The following NOS1AP variants were observed in gnomAD, a reference collection of about 807,000 sequenced individuals.
NOS1AP encodes the protein nitric oxide synthase 1 adaptor protein, also known as carboxyl-terminal PDZ ligand of neuronal nitric oxide synthase protein.
In NOS1AP, 21 loss-of-function variants were observed where a neutral mutation model predicts 56.2. The ratio of observed to expected loss-of-function variants is 0.37; its 90% CI spans 0.26 to 0.54. The LOEUF (loss-of-function observed/expected upper bound fraction) is 0.54, where lower values mean the gene tolerates loss of function less well. NOS1AP is among the 20% of genes least tolerant of loss of function. The pLI, the probability that NOS1AP is intolerant of heterozygous loss-of-function variation, is 0.84. For synonymous variants in NOS1AP, 270 were observed against 274.6 expected, an observed-to-expected ratio of 0.98 and a Z score of 0.17; for missense variants, 522 against 657.8, an observed-to-expected ratio of 0.79 and a Z score of 2.26.
At chr1:162,322,456 G>A (rs1656452297) in intron 4 of NOS1AP, among the ~76,000 whole-genome samples, 1 of 152,182 alleles carries the variant, frequency 6.6e-6, no homozygotes, top group African/African-American at 2.4e-5. Context: ...ATGGCACATG[G>A]GACTCCTCAC....
At chr1:162,077,854 A>C (rs1165749323) in intron 1 of NOS1AP, among the ~76,000 whole-genome samples, 1 of 152,134 alleles carries the variant, frequency 6.6e-6, no homozygotes, top group African/African-American at 2.4e-5. Flanking sequence ...GCCTTGTGAG[A>C]GAGTACTCCA....
intron 2 of NOS1AP, among the ~76,000 whole-genome samples, chr1:162,209,174 TG>T (rs1404146871): frequency 1.3e-5 from 2 of 152,228 alleles, no homozygotes; most frequent in African/African-American, 4.8e-5. Context: ...TTGCAATTTT[TG>T]CACAAGATGT....
At chr1:162,196,926 C>T (rs1651825166) in intron 2 of NOS1AP, among the ~76,000 whole-genome samples, 1 of 152,106 alleles carries the variant, frequency 6.6e-6, no homozygotes, top group Non-Finnish European at 1.5e-5. Context: ...CATGCCCATT[C>T]CTTCTGCTGG....
At chr1:162,199,835 A>G (rs1651935620) in intron 2 of NOS1AP, among the ~76,000 whole-genome samples, 1 of 152,146 alleles carries the variant, frequency 6.6e-6, no homozygotes, top group African/African-American at 2.4e-5. Context: ...TAATTGTTTG[A>G]TTTGCCGACT....
chr1:162,363,134 G>A (rs1490218711), intron 8 of NOS1AP: 1 of 152,488 alleles, frequency 6.6e-6, no homozygotes, highest in Non-Finnish European at 1.5e-5. Context: ...AATCCCACAA[G>A]ACTTTCCCCC....
chr1:162,081,291 C>A (rs905361914), intron 1 of NOS1AP, among the ~76,000 whole-genome samples: 6 of 152,076 alleles, frequency 3.9e-5, no homozygotes, highest in African/African-American at 1.4e-4. Context: ...GTCCGGGACC[C>A]AGGTCTGCTG....
chr1:162,250,336 C>T (rs1157258052), intron 2 of NOS1AP, among the ~76,000 whole-genome samples: 5 of 152,174 alleles, frequency 3.3e-5, no homozygotes, highest in Non-Finnish European at 7.4e-5. Flanking sequence ...TGAAGTACCT[C>T]TTCCCTCTAA....
At chr1:162,132,782 C>G (rs1301651738) in intron 1 of NOS1AP, among the ~76,000 whole-genome samples, 1 of 152,182 alleles carries the variant, frequency 6.6e-6, no homozygotes, top group South Asian at 2.1e-4. Flanking sequence ...ATGAGTGACC[C>G]CTCCCAGGTT....
chr1:162,112,451 A>C (rs1647747578), intron 1 of NOS1AP, among the ~76,000 whole-genome samples: 1 of 152,180 alleles, frequency 6.6e-6, no homozygotes. Context: ...CCCCTCTTCA[A>C]ACCCCTCTGG....
intron 1 of NOS1AP, among the ~76,000 whole-genome samples, chr1:162,147,665 TA>T (rs1213305999): frequency 6.6e-6 from 1 of 152,326 alleles, no homozygotes; most frequent in Admixed American, 6.5e-5. Flanking sequence ...CAGAAACTTA[TA>T]AAAAAATTTG....
intron 1 of NOS1AP, among the ~76,000 whole-genome samples, chr1:162,113,971 A>G (rs193089485): frequency 2.6e-4 from 39 of 152,336 alleles, no homozygotes; most frequent in Non-Finnish European, 4.4e-5. Context: ...AGAAAGTTTG[A>G]AAACCCAGAA....
At chr1:162,238,764 A>G (rs1653387312) in intron 2 of NOS1AP, among the ~76,000 whole-genome samples, 1 of 152,218 alleles carries the variant, frequency 6.6e-6, no homozygotes, top group Non-Finnish European at 1.5e-5. Flanking sequence ...GAAAAAAATG[A>G]TAACAGTGAA....
At chr1:162,298,875 C>T (rs1269584344) in intron 3 of NOS1AP, among the ~76,000 whole-genome samples, 1 of 152,178 alleles carries the variant, frequency 6.6e-6, no homozygotes, top group Non-Finnish European at 1.5e-5. Flanking sequence ...GATATTAGAA[C>T]TGAAAAATAT....
chr1:162,314,223 A>G (rs1656154690), intron 4 of NOS1AP, among the ~76,000 whole-genome samples: 1 of 152,272 alleles, frequency 6.6e-6, no homozygotes, highest in Non-Finnish European at 1.5e-5. Context: ...GAGAGCCCAT[A>G]GACCTGCACA....
chr1:162,289,213 C>CTTCCTTCCTTTCCT (rs1316874914), intron 3 of NOS1AP, among the ~76,000 whole-genome samples: 3 of 34,402 alleles, frequency 8.7e-5, no homozygotes, highest in Non-Finnish European at 1.8e-4. Context: ...CCTTCCTTTC[C>CTTCCTTCCTTTCCT]TTCCTTCCTT....
intron 2 of NOS1AP, among the ~76,000 whole-genome samples, chr1:162,259,439 C>T (rs995392516): frequency 6.6e-6 from 1 of 152,086 alleles, no homozygotes; most frequent in Non-Finnish European, 1.5e-5. Flanking sequence ...TTTGTGATTA[C>T]TTTTGAAAAT....
chr1:162,167,601 A>C (rs1197402999), intron 2 of NOS1AP, among the ~76,000 whole-genome samples: 1 of 152,180 alleles, frequency 6.6e-6, no homozygotes, highest in Non-Finnish European at 1.5e-5. Flanking sequence ...TTCCCTGTGG[A>C]GGTCAGTTGC....
At chr1:162,101,276 A>G (rs943248111) in intron 1 of NOS1AP, among the ~76,000 whole-genome samples, 11 of 152,066 alleles carry the variant, frequency 7.2e-5, no homozygotes, top group African/African-American at 1.4e-4. Flanking sequence ...TGAGTTCTCT[A>G]TTCTGTTCCA....
chr1:162,273,767 A>G (rs1313534969), intron 2 of NOS1AP, among the ~76,000 whole-genome samples: 3 of 152,212 alleles, frequency 2.0e-5, no homozygotes, highest in Non-Finnish European at 4.4e-5. Flanking sequence ...ACCCCAATCA[A>G]GGTAGAGATA....
Sources: allele counts gnomAD v4.1 joint callset (sites outside exome capture counted in the v4.1 genomes callset), GRCh38; gene constraint gnomAD v4.1.1; transcripts MANE v1.5; gene names NCBI Gene and HGNC (gene_info 2026-07-23, HGNC 2026-07-21).